The following TMEM117 variants were observed in gnomAD, a reference collection of about 807,000 sequenced individuals.
TMEM117 encodes the protein transmembrane protein 117.
Under a neutral mutation model 52.4 loss-of-function variants are expected in TMEM117, and 27 were observed. The ratio of observed to expected loss-of-function variants is 0.51; its 90% CI spans 0.38 to 0.71. The LOEUF is 0.71. Ranked by LOEUF, TMEM117 falls within the 30% of genes least tolerant of loss-of-function variation. TMEM117 has a pLI of 0.00. For missense variants in TMEM117, 556 were observed against 630.5 expected (o/e 0.88, Z 1.26); for synonymous variants, 215 against 206.3 (o/e 1.04, Z -0.36).
downstream of TMEM117, among the ~76,000 whole-genome samples, chr12:44,390,294 T>C (rs1261168417): frequency 6.6e-6 from 1 of 151,940 alleles, no homozygotes; most frequent in Admixed American, 6.6e-5. Flanking sequence ...GAACTTACCA[T>C]GTATGTCTGA....
intron 4 of TMEM117, among the ~76,000 whole-genome samples, chr12:44,206,646 AATC>A (rs1949571167): frequency 6.6e-6 from 1 of 152,204 alleles, no homozygotes; most frequent in Admixed American, 6.5e-5. Flanking sequence ...AAAATAATGA[AATC>A]ATGTCCTTTG....
the TMEM117 span, among the ~76,000 whole-genome samples, chr12:43,796,590 A>G: frequency 6.6e-6 from 1 of 152,122 alleles, no homozygotes; most frequent in African/African-American, 2.4e-5. Flanking sequence ...AGAAATAATC[A>G]CAAGTATGCA....
chr12:44,287,052 T>G (rs558011166), intron 5 of TMEM117, among the ~76,000 whole-genome samples: 1 of 152,320 alleles, frequency 6.6e-6, no homozygotes, highest in South Asian at 2.1e-4. Flanking sequence ...ATTCACACTT[T>G]TTTAACAACA....
At chr12:44,034,173 CTG>C (rs1195669241) in intron 3 of TMEM117, among the ~76,000 whole-genome samples, 2 of 152,156 alleles carry the variant, frequency 1.3e-5, no homozygotes, top group East Asian at 3.9e-4. Flanking sequence ...TTTAATTACA[CTG>C]TGATAGATTT....
intron 3 of TMEM117, among the ~76,000 whole-genome samples, chr12:44,135,813 A>G (rs1447288877): frequency 1.3e-5 from 2 of 152,150 alleles, no homozygotes; most frequent in Non-Finnish European, 2.9e-5. Context: ...TATTGTATTT[A>G]TGTCCCATTG....
chr12:43,941,470 C>G (rs956843680), intron 2 of TMEM117, among the ~76,000 whole-genome samples: 1 of 152,054 alleles, frequency 6.6e-6, no homozygotes, highest in African/African-American at 2.4e-5. Flanking sequence ...ATATAGTCAC[C>G]CTAAAGGGCA....
At chr12:44,261,088 C>A (rs1397504507) in intron 5 of TMEM117, among the ~76,000 whole-genome samples, 2 of 151,914 alleles carry the variant, frequency 1.3e-5, no homozygotes, top group African/African-American at 4.8e-5. Context: ...TACATTAATG[C>A]GTATTGGATC....
intron 6 of TMEM117, among the ~76,000 whole-genome samples, chr12:44,363,469 CTT>C (rs1260033624): frequency 6.6e-6 from 1 of 152,046 alleles, no homozygotes; most frequent in African/African-American, 2.4e-5. Context: ...AAGGACATCT[CTT>C]TATTTTAGAT....
chr12:44,227,028 A>C lies in TMEM117; in HGVS notation c.608+15641A>C, dbSNP rs2138441031. Among the ~76,000 whole-genome samples the C allele has an allele frequency of 3.9e-5, 6 of 152,148 alleles. No individual in the cohort carries two copies. In the Middle Eastern group the frequency reaches 0.017, roughly 431 times the overall value. ...AGTCAAGAAATACAAGCACAACTTC[A>C]TTTCATGGATTTTCACAAAGGCAAT... On this transcript the variant is annotated intron_variant, in intron 5 of 7. Transcript: ENST00000266534.
intron 6 of TMEM117, among the ~76,000 whole-genome samples, chr12:44,362,812 T>C (rs1201630697): frequency 1.3e-5 from 2 of 148,450 alleles, no homozygotes; most frequent in African/African-American, 2.5e-5. Context: ...GCAGCTTCTT[T>C]TTCTTTTTTT....
intron 3 of TMEM117, among the ~76,000 whole-genome samples, chr12:44,059,178 T>C (rs1947101587): frequency 6.6e-6 from 1 of 152,220 alleles, no homozygotes; most frequent in Admixed American, 6.5e-5. Flanking sequence ...TCCTGCTTTG[T>C]GGCCTGGTTC....
intron 3 of TMEM117, among the ~76,000 whole-genome samples, chr12:44,046,690 G>C (rs1047414293): frequency 1.3e-5 from 2 of 152,226 alleles, no homozygotes; most frequent in Non-Finnish European, 2.9e-5. Flanking sequence ...AATGAGGACT[G>C]TAACTGTCAT....
chr12:44,041,865 C>A (rs1193969998), intron 3 of TMEM117, among the ~76,000 whole-genome samples: 2 of 152,128 alleles, frequency 1.3e-5, no homozygotes, highest in East Asian at 1.9e-4. Flanking sequence ...AAACAAAAAA[C>A]CACACGATCA....
chr12:44,152,575 TTA>T (rs1455648161), intron 4 of TMEM117, among the ~76,000 whole-genome samples: 5 of 122,482 alleles, frequency 4.1e-5, no homozygotes, highest in Middle Eastern at 8.3e-3. Flanking sequence ...TCATATAAAT[TTA>T]TATATATAAT....
chr12:44,246,233 A>G (rs1267434455), intron 5 of TMEM117, among the ~76,000 whole-genome samples: 4 of 152,194 alleles, frequency 2.6e-5, no homozygotes. Context: ...GATCTTAAGA[A>G]ACATTTAGTT....
chr12:43,813,630 CAT>C, the TMEM117 span, among the ~76,000 whole-genome samples: 1 of 152,072 alleles, frequency 6.6e-6, no homozygotes, highest in South Asian at 2.1e-4. Flanking sequence ...TGCCAGCCTA[CAT>C]GAGTCTCATC....
intron 3 of TMEM117, among the ~76,000 whole-genome samples, chr12:44,077,750 G>A (rs940082153): frequency 6.6e-6 from 1 of 152,040 alleles, no homozygotes; most frequent in Admixed American, 6.6e-5. Context: ...TGAAAAAGAT[G>A]CAAAATGTTA....
chr12:44,134,640 C>T (rs1297909113), intron 3 of TMEM117, among the ~76,000 whole-genome samples: 1 of 152,134 alleles, frequency 6.6e-6, no homozygotes, highest in African/African-American at 2.4e-5. Flanking sequence ...ATTTGAGAAC[C>T]AACCTCAGTC....
chr12:44,380,104 A>G (rs528038715), intron 7 of TMEM117, among the ~76,000 whole-genome samples: 1 of 152,208 alleles, frequency 6.6e-6, no homozygotes, highest in Non-Finnish European at 1.5e-5. Context: ...CATTTTCTAT[A>G]GTTAGAATTC....
Sources: gnomAD v4.1 joint callset for allele counts (sites outside exome capture counted in the v4.1 genomes callset) on GRCh38, gnomAD v4.1.1 for gene constraint, MANE v1.5 for transcripts, NCBI Gene and HGNC (gene_info 2026-07-23, HGNC 2026-07-21) for gene names.